Variants in TMTC1 observed in about 807,000 individuals in gnomAD.
TMTC1 encodes protein O-mannosyl-transferase TMTC1.
A neutral mutation model predicts 104.8 loss-of-function variants in TMTC1; 73 were observed. That is an observed-to-expected ratio of 0.70 (90% CI 0.58 to 0.85). TMTC1 has a LOEUF of 0.85. Ranked by LOEUF, TMTC1 falls within the 40% of genes least tolerant of loss-of-function variation. The pLI, the probability that TMTC1 is intolerant of heterozygous loss-of-function variation, is 0.00. For synonymous variants in TMTC1, 434 were observed against 428.7 expected (o/e 1.01, Z -0.15); for missense variants, 1,035 against 1,096.1 (o/e 0.94, Z 0.79).
chr12:29,663,793 A>G (rs1045650763), intron 5 of TMTC1, among the ~76,000 whole-genome samples: 5 of 151,552 alleles, frequency 3.3e-5, no homozygotes, highest in African/African-American at 1.2e-4. Flanking sequence ...CTGGGATTAC[A>G]GGCGTGAGCC....
chr12:29,731,299 G>A (rs1010922987), intron 5 of TMTC1, among the ~76,000 whole-genome samples: 1 of 152,172 alleles, frequency 6.6e-6, no homozygotes, highest in Non-Finnish European at 1.5e-5. Context: ...TGGGATTACA[G>A]ATGTCTGCCA....
chr12:29,580,599 T>G (rs1243639988), intron 8 of TMTC1, among the ~76,000 whole-genome samples: 1 of 152,166 alleles, frequency 6.6e-6, no homozygotes, highest in African/African-American at 2.4e-5. Flanking sequence ...GTTTATTGTT[T>G]GGAACAGAGG....
At chr12:29,529,649 C>A (rs1944444200) in intron 11 of TMTC1, among the ~76,000 whole-genome samples, 1 of 152,154 alleles carries the variant, frequency 6.6e-6, no homozygotes, top group South Asian at 2.1e-4. Flanking sequence ...AAGATAAAGA[C>A]ACCTGTTTTC....
intron 6 of TMTC1, among the ~76,000 whole-genome samples, chr12:29,628,806 C>G (rs963329869): frequency 6.6e-6 from 1 of 151,862 alleles, no homozygotes; most frequent in African/African-American, 2.4e-5. Context: ...GAAGTACAGG[C>G]GCACACCACT....
intron 10 of TMTC1, among the ~76,000 whole-genome samples, chr12:29,544,984 C>G (rs1029685903): frequency 6.6e-6 from 1 of 152,132 alleles, no homozygotes; most frequent in East Asian, 1.9e-4. Context: ...TAATCTCTAC[C>G]TCTCTAGGTT....
chr12:29,585,982 A>T lies in TMTC1; in HGVS notation c.1251-2408T>A, dbSNP rs533047133. On this transcript the variant is annotated intron_variant, in intron 7 of 17. Coordinates refer to ENST00000539277, the MANE Select transcript of TMTC1 (RefSeq NM_001193451.2). ...TTTTTCCAATTCTGTGAAGAAAGTC[A>T]TTGGTAGCTTGATGGGGATGGCATT... Among the ~76,000 whole-genome samples, 19 of 152,242 alleles carry T rather than the reference A, an allele frequency of 1.2e-4. No individual in the cohort carries two copies. The East Asian group carries it at 3.5e-3, about 28-fold the overall frequency.
chr12:29,672,156 C>T (rs1940542338), intron 5 of TMTC1, among the ~76,000 whole-genome samples: 1 of 152,206 alleles, frequency 6.6e-6, no homozygotes, highest in African/African-American at 2.4e-5. Flanking sequence ...CTTGGCTCAG[C>T]CATCCATGAT....
At chr12:29,651,477 T>C (rs1939515476) in intron 5 of TMTC1, among the ~76,000 whole-genome samples, 1 of 152,118 alleles carries the variant, frequency 6.6e-6, no homozygotes, top group Non-Finnish European at 1.5e-5. Context: ...TAATATGTAT[T>C]TGTAAGTTTC....
chr12:29,758,754 C>G lies in TMTC1; in HGVS notation c.504G>C (p.Ala168=). ...GAAACAGCAGACACGCTAACACGTC[C>G]GCTCTGCCAACGATCCCAGCCACCT... ...TEAVAGIVGR[A]DVLACLLFLL... is the part of the protein sequence containing the mutation. The change falls in exon 3 of 18, where the codon GCG becomes GCC. Residue 168 remains alanine (A), a synonymous_variant. Coordinates refer to ENST00000539277, the MANE Select transcript of TMTC1 (RefSeq NM_001193451.2). The G allele has an allele frequency of 6.2e-7, 1 of 1,609,802 alleles. No homozygotes were observed. The highest frequency in any genetic ancestry group is 1.3e-5 in the African/African-American group (1 of 74,614).
Position 29,641,397 on chromosome 12 carries a change from T to C in TMTC1, c.939-8061A>G, listed in dbSNP as rs182769184. ...CTAGTATCCATGGCTGAGAGACCCA[T>C]AGACGGTTCATATCACAGGACTCTG... On this transcript the variant is annotated intron_variant, in intron 5 of 17. Coordinates refer to ENST00000539277, the MANE Select transcript of TMTC1 (RefSeq NM_001193451.2). Among the ~76,000 whole-genome samples, 4 of 152,228 alleles carry C rather than the reference T, an allele frequency of 2.6e-5. No individual in the cohort carries two copies. In the East Asian group the frequency reaches 5.8e-4, roughly 22 times the overall value.
At chr12:29,527,979 C>T (rs1944396134) in intron 11 of TMTC1, among the ~76,000 whole-genome samples, 1 of 152,086 alleles carries the variant, frequency 6.6e-6, no homozygotes, top group South Asian at 2.1e-4. Flanking sequence ...ATGAAAAGGT[C>T]TTTAAGATCT....
chr12:29,580,355 T>C (rs190559663), intron 8 of TMTC1, among the ~76,000 whole-genome samples: 1 of 152,124 alleles, frequency 6.6e-6, no homozygotes, highest in African/African-American at 2.4e-5. Flanking sequence ...TAAAATAAAA[T>C]TGTGTAGGAA....
intron 5 of TMTC1, among the ~76,000 whole-genome samples, chr12:29,715,397 T>G (rs1438055609): frequency 6.6e-6 from 1 of 152,190 alleles, no homozygotes; most frequent in African/African-American, 2.4e-5. Flanking sequence ...GGAACTCAGA[T>G]TCACTCCAGC....
intron 10 of TMTC1, among the ~76,000 whole-genome samples, chr12:29,553,094 A>T (rs1174698806): frequency 6.6e-6 from 1 of 152,204 alleles, no homozygotes; most frequent in Non-Finnish European, 1.5e-5. Flanking sequence ...CCTTTCTCCC[A>T]AAAGGCAATT....
chr12:29,536,999 C>A lies in TMTC1; in HGVS notation c.1677-682G>T, dbSNP rs542646930. 2.0e-4 allele frequency among the ~76,000 whole-genome samples: 30 copies of A among 152,228 alleles called. 1 individual carries two copies. In the South Asian group the frequency reaches 6.0e-3, roughly 31 times the overall value. ...AGGACTCAAGGCCCAAAAGTCATTACCATTTTCTTGGGTAAAAGTTCTCTT... is the reference window on the plus strand; with the variant it reads ...AGGACTCAAGGCCCAAAAGTCATTAACATTTTCTTGGGTAAAAGTTCTCTT... On this transcript the variant is annotated intron_variant, in intron 10 of 17. Coordinates refer to ENST00000539277, the MANE Select transcript of TMTC1 (RefSeq NM_001193451.2).
At chr12:29,695,369 C>T (rs1209652908) in intron 5 of TMTC1, among the ~76,000 whole-genome samples, 2 of 151,854 alleles carry the variant, frequency 1.3e-5, no homozygotes, top group Admixed American at 1.3e-4. Context: ...TGTGGTGGTG[C>T]TATCTCGGCT....
chr12:29,775,240 T>C (rs1943681105), intron 1 of TMTC1, among the ~76,000 whole-genome samples: 1 of 152,168 alleles, frequency 6.6e-6, no homozygotes, highest in Admixed American at 6.5e-5. Flanking sequence ...TAAATGTGTG[T>C]TTGGTGTTTG....
At chr12:29,768,214 A>C (rs1943518110) in intron 1 of TMTC1, 139 bp from the exon 2 acceptor site, 6 of 714,000 alleles carry the variant, frequency 8.4e-6, no homozygotes, top group African/African-American at 1.8e-5. Flanking sequence ...ACATTGGGTT[A>C]TTTTTTAGCC....
intron 8 of TMTC1, among the ~76,000 whole-genome samples, chr12:29,572,876 G>GA (rs1945718600): frequency 6.6e-6 from 1 of 151,750 alleles, no homozygotes; most frequent in African/African-American, 2.4e-5. Flanking sequence ...AGAACCAGAG[G>GA]AAAAAAAAGA....
Sources: allele counts gnomAD v4.1 joint callset (sites outside exome capture counted in the v4.1 genomes callset), GRCh38; gene constraint gnomAD v4.1.1; transcripts MANE v1.5; gene names NCBI Gene and HGNC (gene_info 2026-07-23, HGNC 2026-07-21).